MREG: variants seen among roughly 807,000 people sequenced by gnomAD.
MREG encodes dilute suppressor protein homolog.
Under a neutral mutation model 28.5 loss-of-function variants are expected in MREG, and 31 were observed. That is an observed-to-expected ratio of 1.09 (90% CI 0.82 to 1.47). MREG has a LOEUF of 1.47. Among genes scored for constraint, MREG ranks in the 40% most tolerant of loss-of-function variants. MREG has a pLI of 0.00. For synonymous variants in MREG, 106 were observed against 95.2 expected (o/e 1.11, Z -0.66); for missense variants, 256 against 257.4 (o/e 0.99, Z 0.04).
At chr2:215,972,878 T>C (rs961720140) in intron 2 of MREG, among the ~76,000 whole-genome samples, 1 of 152,190 alleles carries the variant, frequency 6.6e-6, no homozygotes, top group African/African-American at 2.4e-5. Context: ...CAGGTTAAAT[T>C]CATCCGCCAT....
chr2:215,959,406 C>T (rs1692720299), intron 2 of MREG, among the ~76,000 whole-genome samples: 1 of 152,122 alleles, frequency 6.6e-6, no homozygotes, highest in Non-Finnish European at 1.5e-5. Flanking sequence ...TCCCTTAATC[C>T]CATCTTCCAA....
rs112369629 is a variant in MREG at position 216,030,368 on chromosome 2, G to A, written c.-68+2421C>T. Among the ~76,000 whole-genome samples the A allele has an allele frequency of 4.5e-3, 683 of 152,192 alleles. 7 individuals carry two copies. Among genetic ancestry groups the A allele is most frequent in the African/African-American group, 0.016 (646 of 41,522 alleles). On this transcript the variant is annotated intron_variant, in intron 1 of 3. Transcript: ENST00000420348. ...CACTTCTGCCATGTGCTGAGATCTT[G>A]AACAAGTTTCTTGACCTGTTCATGC...
chr2:215,958,153 GC>G (rs1335432362), intron 2 of MREG, among the ~76,000 whole-genome samples: 2 of 151,784 alleles, frequency 1.3e-5, no homozygotes, highest in African/African-American at 2.4e-5. Context: ...TATACCTAAT[GC>G]TAAATGACAA....
At chr2:215,989,523 C>T (rs1008516223) in intron 2 of MREG, among the ~76,000 whole-genome samples, 5 of 152,000 alleles carry the variant, frequency 3.3e-5, no homozygotes, top group East Asian at 1.9e-4. Flanking sequence ...CAGCAGGGAA[C>T]GAAACTGGAC....
At chr2:215,983,367 A>AC (rs1388783911) in intron 2 of MREG, among the ~76,000 whole-genome samples, 1 of 151,976 alleles carries the variant, frequency 6.6e-6, no homozygotes, top group African/African-American at 2.4e-5. Context: ...GATCAGTTCA[A>AC]CCCCCCTTTC....
intron 1 of MREG, among the ~76,000 whole-genome samples, chr2:216,011,458 T>C (rs1168891152): frequency 1.3e-5 from 2 of 152,246 alleles, no homozygotes; most frequent in East Asian, 1.9e-4. Flanking sequence ...GCACTTTATA[T>C]GTATTATCTC....
chr2:216,027,138 AG>A (rs1694608754), intron 1 of MREG, among the ~76,000 whole-genome samples: 1 of 152,250 alleles, frequency 6.6e-6, no homozygotes, highest in Non-Finnish European at 1.5e-5. Flanking sequence ...AACAATTCAA[AG>A]ATACTTGATG....
At chr2:216,011,214 A>G (rs1393567286) in intron 1 of MREG, among the ~76,000 whole-genome samples, 5 of 152,172 alleles carry the variant, frequency 3.3e-5, no homozygotes, top group Non-Finnish European at 2.9e-5. Context: ...TTCAGAACCA[A>G]TCTTCAGATG....
chr2:215,947,060 T>C lies in MREG; in HGVS notation c.309A>G (p.Glu103=), dbSNP rs1343644725. The change falls in exon 3 of 5, where the codon GAA becomes GAG. Residue 103 remains glutamate, a synonymous_variant. Coordinates refer to ENST00000263268, the MANE Select transcript of MREG (RefSeq NM_018000.3). ...DIHTLRQVRR[E]VRNRWKCILE... ...AGATGCACTTCCATCTGTTTCTTAC[T>C]TCCCTTCGAACCTGCCGCAGGGTAT... The C allele has an allele frequency of 6.2e-7, 1 of 1,612,710 alleles. No homozygotes were observed. Among genetic ancestry groups the C allele is most frequent in the Admixed American group, 1.7e-5 (1 of 59,994 alleles).
At chr2:215,992,501 G>A (rs983888851) in intron 2 of MREG, among the ~76,000 whole-genome samples, 1 of 152,192 alleles carries the variant, frequency 6.6e-6, no homozygotes, top group East Asian at 1.9e-4. Context: ...TTGAAAACCG[G>A]CACAAGACAA....
At chr2:216,021,289 A>C (rs1694516634) in intron 1 of MREG, among the ~76,000 whole-genome samples, 1 of 152,170 alleles carries the variant, frequency 6.6e-6, no homozygotes, top group Admixed American at 6.5e-5. Flanking sequence ...CTGGGACCAC[A>C]GGCATGCACA....
chr2:216,031,570 GGAAGGAAAGAAA>G (rs1694700518), intron 1 of MREG, among the ~76,000 whole-genome samples: 1 of 140,052 alleles, frequency 7.1e-6, no homozygotes, highest in East Asian at 2.1e-4. Context: ...AGGGAAGGAA[GGAAGGAAAGAAA>G]GAAGGAAAGA....
chr2:215,946,436 C>G (rs1692321330), intron 3 of MREG, among the ~76,000 whole-genome samples: 2 of 102,302 alleles, frequency 2.0e-5, no homozygotes, highest in South Asian at 7.6e-4. Context: ...GATAAATTCA[C>G]TTTTTAAACA....
At chr2:216,003,648 C>G (rs926916124) in intron 1 of MREG, among the ~76,000 whole-genome samples, 1 of 152,202 alleles carries the variant, frequency 6.6e-6, no homozygotes, top group African/African-American at 2.4e-5. Flanking sequence ...TCAGTGTGGT[C>G]CCGACCAAGC....
intron 2 of MREG, among the ~76,000 whole-genome samples, chr2:215,981,562 A>G (rs6723516): frequency 0.95 from 144,727 of 152,288 alleles, 68,836 homozygotes; most frequent in Admixed American, 0.96. Context: ...GGAGATGCAT[A>G]ATGGTGATTG....
downstream of MREG, among the ~76,000 whole-genome samples, chr2:215,940,083 T>A (rs928990240): frequency 1.3e-5 from 2 of 152,230 alleles, no homozygotes; most frequent in Non-Finnish European, 2.9e-5. Context: ...AGTGATTAAA[T>A]GATGAGACTC....
intron 2 of MREG, among the ~76,000 whole-genome samples, chr2:215,975,551 T>C (rs541774091): frequency 1.1e-4 from 17 of 152,264 alleles, no homozygotes; most frequent in East Asian, 5.8e-4. Context: ...GGAATACCAT[T>C]TGGGGGCAGC....
At chr2:215,993,307 A>G (rs193068451) in intron 2 of MREG, among the ~76,000 whole-genome samples, 60 of 152,362 alleles carry the variant, frequency 3.9e-4, no homozygotes, top group Admixed American at 3.9e-3. Flanking sequence ...CTTGACAAAA[A>G]CAAGCAATGG....
chr2:216,008,862 G>A (rs1373028853), intron 1 of MREG, among the ~76,000 whole-genome samples: 1 of 152,168 alleles, frequency 6.6e-6, no homozygotes. Flanking sequence ...AGGAGCATGA[G>A]GGCAGGGAAG....
Sources: gnomAD v4.1 joint callset for allele counts (sites outside exome capture counted in the v4.1 genomes callset) on GRCh38, gnomAD v4.1.1 for gene constraint, MANE v1.5 for transcripts, NCBI Gene and HGNC (gene_info 2026-07-23, HGNC 2026-07-21) for gene names.